UBXN2A: variants seen among roughly 807,000 people sequenced by gnomAD.
UBXN2A encodes UBX domain protein 2A.
In UBXN2A, 28 loss-of-function variants were observed where a neutral mutation model predicts 28.4. The ratio of observed to expected loss-of-function variants is 0.99; its 90% CI spans 0.73 to 1.35. The LOEUF (loss-of-function observed/expected upper bound fraction) is 1.35, where lower values mean the gene tolerates loss of function less well. Ranked by LOEUF, UBXN2A falls within the 40% of genes most tolerant of loss-of-function variation. The pLI, the probability that UBXN2A is intolerant of heterozygous loss-of-function variation, is 0.00. For missense variants in UBXN2A, 253 were observed against 297.9 expected (o/e 0.85, Z 1.11); for synonymous variants, 97 against 103.6 (o/e 0.94, Z 0.39).
chr2:23,987,842 G>A (rs1176456297), intron 6 of UBXN2A, among the ~76,000 whole-genome samples: 2 of 151,220 alleles, frequency 1.3e-5, no homozygotes, highest in African/African-American at 4.9e-5. Context: ...AACTTTTCTT[G>A]GCCAGGTGCA....
chr2:23,991,725 G>A (rs1490594963), intron 6 of UBXN2A, among the ~76,000 whole-genome samples: 3 of 151,948 alleles, frequency 2.0e-5, no homozygotes, highest in Admixed American at 1.3e-4. Flanking sequence ...GCTCACCTTG[G>A]CCTCCCAAAG....
intron 4 of UBXN2A, among the ~76,000 whole-genome samples, chr2:23,977,877 G>T (rs1160432458): frequency 6.6e-6 from 1 of 152,104 alleles, no homozygotes; most frequent in East Asian, 1.9e-4. Context: ...TTTTGCTCAG[G>T]CTGGAATACA....
rs1190585681 is a variant in UBXN2A at position 24,003,833 on chromosome 2, G to A, written c.*3966G>A. On this transcript the variant is annotated 3_prime_UTR_variant, in exon 7 of 7. Transcript: ENST00000309033. Reference sequence around the variant, plus strand: ...TACATGTTCAGGAATCTAAGAAAATGTTTCATATAGGCCTATCATGTAGCA... The same window carrying A: ...TACATGTTCAGGAATCTAAGAAAATATTTCATATAGGCCTATCATGTAGCA... 2 of 151,432 alleles carry A rather than the reference G, an allele frequency of 1.3e-5. No individual in the cohort carries two copies. The highest frequency in any genetic ancestry group is 2.9e-5 in the Non-Finnish European group (2 of 67,922). 9.4% of individuals were successfully genotyped at this position (151,432 alleles called of 1,614,324 possible). A position where few individuals can be genotyped will look rare whatever the true frequency, so the allele number is the denominator to read the frequency against.
intron 2 of UBXN2A, 120 bp from the exon 3 acceptor site, chr2:23,971,156 A>T (rs1707398203): frequency 9.0e-7 from 1 of 1,106,254 alleles, no homozygotes; most frequent in African/African-American, 1.5e-5. Context: ...AACTTAGGAG[A>T]GGGCCTGAAC....
At position 23,978,487 on chromosome 2, in the gene UBXN2A, C is replaced by CA. The variant is rs1018183246; in HGVS notation, c.287+1419dup. On this transcript the variant is annotated intron_variant, in intron 4 of 6. Transcript: ENST00000309033. Reference sequence around the variant, plus strand: ...TGAAACTCTGTCTCTACTGAAAATACAAAAAAATTAGCCAGGTGTGGTGGC... The same window carrying CA: ...TGAAACTCTGTCTCTACTGAAAATACAAAAAAAATTAGCCAGGTGTGGTGGC... Among the ~76,000 whole-genome samples the CA allele has an allele frequency of 2.0e-5, 3 of 151,198 alleles. No individual in the cohort carries two copies. In the Admixed American group the frequency reaches 2.0e-4, roughly 10 times the overall value.
intron 2 of UBXN2A, among the ~76,000 whole-genome samples, chr2:23,967,462 G>A (rs1419114159): frequency 6.6e-6 from 1 of 152,162 alleles, no homozygotes; most frequent in Non-Finnish European, 1.5e-5. Flanking sequence ...CTGTGTGCCA[G>A]TATGTATACT....
intron 2 of UBXN2A, among the ~76,000 whole-genome samples, chr2:23,960,824 G>A (rs1262097850): frequency 6.6e-6 from 1 of 152,056 alleles, no homozygotes; most frequent in Non-Finnish European, 1.5e-5. Flanking sequence ...TAGTGCAGAT[G>A]GGGTTTCACC....
intron 6 of UBXN2A, among the ~76,000 whole-genome samples, chr2:23,987,606 A>G (rs1708180684): frequency 6.6e-6 from 1 of 151,842 alleles, no homozygotes; most frequent in Admixed American, 6.6e-5. Flanking sequence ...GTGAAACCCC[A>G]TCTCTACTAA....
intron 1 of UBXN2A, among the ~76,000 whole-genome samples, chr2:23,943,593 T>G (rs1705875171): frequency 6.6e-6 from 1 of 152,138 alleles, no homozygotes; most frequent in Non-Finnish European, 1.5e-5. Flanking sequence ...GTTCAAGCAA[T>G]TCTCCTGCCT....
Position 23,999,921 on chromosome 2 carries a change from A to C in UBXN2A, c.*54A>C. The stretch of plus-strand genomic sequence containing the variant: ...AGAGAAATGATGGTTGTAAGTGGAC[A>C]TGCAAACCAAAATTGGGGATTGGAG... On this transcript the variant is annotated 3_prime_UTR_variant, in exon 7 of 7. Transcript: ENST00000309033. 1.3e-6 allele frequency: 2 copies of C among 1,569,604 alleles called. No homozygotes were observed. The highest frequency in any genetic ancestry group is 1.7e-6 in the Non-Finnish European group (2 of 1,154,748).
intron 4 of UBXN2A, 35 bp downstream of exon 4, chr2:23,977,110 A>G: frequency 6.4e-7 from 1 of 1,558,420 alleles, no homozygotes; most frequent in Non-Finnish European, 8.8e-7. Context: ...AAGCCTGTAA[A>G]CCCAAAACTT....
At chr2:23,931,109 T>G (rs1451064101) in intron 1 of UBXN2A, among the ~76,000 whole-genome samples, 1 of 151,966 alleles carries the variant, frequency 6.6e-6, no homozygotes, top group Non-Finnish European at 1.5e-5. Flanking sequence ...AAGATCACTC[T>G]GCACTGCACT....
chr2:23,943,985 A>AG (rs1443873422), intron 1 of UBXN2A: 1 of 473,422 alleles, frequency 2.1e-6, no homozygotes, highest in Non-Finnish European at 4.1e-6. Flanking sequence ...ATAAGAACAC[A>AG]GGTTCAAACC....
intron 1 of UBXN2A, chr2:23,944,148 A>G: frequency 1.0e-6 from 1 of 996,266 alleles, no homozygotes; most frequent in East Asian, 2.6e-5. Flanking sequence ...CTTACTTGGA[A>G]CTCATTGGTC....
At position 24,000,706 on chromosome 2, in the gene UBXN2A, T is replaced by C. The variant is rs1327307459; in HGVS notation, c.*839T>C. ...GAGTGAGACCCCTGTCTATATATTT[T>C]TTTAATTTAAAAAATAAAAGAATAA... On this transcript the variant is annotated 3_prime_UTR_variant, in exon 7 of 7. Transcript: ENST00000309033. The C allele has an allele frequency of 2.6e-5, 4 of 152,242 alleles. No individual in the cohort carries two copies. In the East Asian group the frequency reaches 7.7e-4, roughly 29 times the overall value. The allele number at this position is 152,242 out of a possible 1,614,324, so 9.4% of individuals were successfully genotyped here. A position where few individuals can be genotyped will look rare whatever the true frequency, so the allele number is the denominator to read the frequency against.
At chr2:23,955,236 C>T (rs540045840) in intron 1 of UBXN2A, among the ~76,000 whole-genome samples, 69 of 152,146 alleles carry the variant, frequency 4.5e-4, no homozygotes, top group African/African-American at 1.6e-3. Flanking sequence ...CGGCTGCTTG[C>T]CTACCATTTT....
Position 23,995,683 on chromosome 2 carries a change from ACT to A in UBXN2A, c.585-3986_585-3985del, listed in dbSNP as rs1708501526. 6.1e-5 allele frequency among the ~76,000 whole-genome samples: 9 copies of A among 148,252 alleles called. No homozygotes were observed. The South Asian group carries it at 1.7e-3, about 29-fold the overall frequency. On this transcript the variant is annotated intron_variant, in intron 6 of 6. Transcript: ENST00000309033. Reference sequence around the variant, plus strand: ...ACTCCAGCCTGGGCGACAGAGCAAGACTCTGTCTCAAAAAAAAAAAAGAAAAG... The same window carrying A: ...ACTCCAGCCTGGGCGACAGAGCAAGACTGTCTCAAAAAAAAAAAAGAAAAG...
intron 3 of UBXN2A, among the ~76,000 whole-genome samples, chr2:23,975,486 C>T (rs866584957): frequency 7.2e-5 from 11 of 152,192 alleles, no homozygotes; most frequent in South Asian, 4.2e-4. Context: ...GATTTTTTGA[C>T]GTGAGACATT....
Position 24,003,976 on chromosome 2 carries a change from T to C in UBXN2A, c.*4109T>C, listed in dbSNP as rs1373917018. 1.3e-5 allele frequency: 2 copies of C among 152,334 alleles called. No individual in the cohort carries two copies. The highest frequency in any genetic ancestry group is 3.9e-4 in the East Asian group (2 of 5,188). The allele number at this position is 152,334 out of a possible 1,614,324, so 9.4% of individuals were successfully genotyped here. The stretch of plus-strand genomic sequence containing the variant: ...TGGTAGATTTTCCGGTTTATAATTA[T>C]TTAACCAGAAGATACATGGGAGGTT... On this transcript the variant is annotated 3_prime_UTR_variant, in exon 7 of 7. Coordinates refer to ENST00000309033, the MANE Select transcript of UBXN2A (RefSeq NM_181713.4).
Sources: allele counts gnomAD v4.1 joint callset (sites outside exome capture counted in the v4.1 genomes callset), GRCh38; gene constraint gnomAD v4.1.1; transcripts MANE v1.5; gene names NCBI Gene and HGNC (gene_info 2026-07-23, HGNC 2026-07-21).